The following RNLS variants were observed in gnomAD, a reference collection of about 807,000 sequenced individuals.
RNLS encodes the protein renalase, FAD dependent amine oxidase.
Under a neutral mutation model 39.8 loss-of-function variants are expected in RNLS, and 39 were observed. That is an observed-to-expected ratio of 0.98 (90% CI 0.76 to 1.28). The LOEUF is 1.28. Among genes scored for constraint, RNLS ranks in the 50% most tolerant of loss-of-function variants. The probability of loss-of-function intolerance (pLI) is 0.00; values close to 1 mark genes in which losing one functional copy is unlikely to be tolerated. For synonymous variants in RNLS, 147 were observed against 150.7 expected (o/e 0.98, Z 0.18); for missense variants, 410 against 413.3 (o/e 0.99, Z 0.07).
chr10:88,406,033 G>A (rs566970733), intron 4 of RNLS, among the ~76,000 whole-genome samples: 3 of 152,042 alleles, frequency 2.0e-5, no homozygotes, highest in East Asian at 3.9e-4. Context: ...TTTTGTTTGA[G>A]GAGGCTGAAG....
chr10:88,478,370 GC>G (rs1182305364), intron 4 of RNLS, among the ~76,000 whole-genome samples: 1 of 151,800 alleles, frequency 6.6e-6, no homozygotes, highest in Non-Finnish European at 1.5e-5. Flanking sequence ...TCATTTTTAG[GC>G]CCACTCCTAG....
At chr10:88,377,241 TACACAC>T (rs202223419) in intron 4 of RNLS, among the ~76,000 whole-genome samples, 19 of 42,082 alleles carry the variant, frequency 4.5e-4, no homozygotes, top group Admixed American at 2.8e-3. Context: ...CACACACATA[TACACAC>T]ACACACACAC....
At chr10:88,510,324 C>A (rs1295125135) in intron 4 of RNLS, among the ~76,000 whole-genome samples, 3 of 151,814 alleles carry the variant, frequency 2.0e-5, no homozygotes, top group Admixed American at 6.6e-5. Context: ...TATAAACTGG[C>A]AAGAAAATAG....
chr10:88,452,493 A>C (rs10509547), intron 4 of RNLS, among the ~76,000 whole-genome samples: 27,437 of 152,036 alleles, frequency 0.18, 2,978 homozygotes, highest in Non-Finnish European at 0.26. Flanking sequence ...TTCAGGATGT[A>C]GTGTAGACTT....
chr10:88,578,292 G>T (rs1850328017), intron 3 of RNLS, among the ~76,000 whole-genome samples: 1 of 152,006 alleles, frequency 6.6e-6, no homozygotes, highest in Non-Finnish European at 1.5e-5. Context: ...CTGAGGTACA[G>T]ATTTTAAACT....
chr10:88,350,284 A>G (rs1234549734), intron 5 of RNLS, among the ~76,000 whole-genome samples: 1 of 151,810 alleles, frequency 6.6e-6, no homozygotes, highest in Admixed American at 6.6e-5. Context: ...CACAACGTGC[A>G]GGTTTGTTAC....
chr10:88,508,364 G>T (rs1211694762), intron 4 of RNLS, among the ~76,000 whole-genome samples: 1 of 152,026 alleles, frequency 6.6e-6, no homozygotes, highest in African/African-American at 2.4e-5. Context: ...TGTAAGACGG[G>T]GACATTAATA....
intron 4 of RNLS, among the ~76,000 whole-genome samples, chr10:88,420,011 A>AAAATAAATAAATAAATAAAT (rs57637078): frequency 7.4e-6 from 1 of 134,762 alleles, no homozygotes; most frequent in Non-Finnish European, 1.6e-5. Flanking sequence ...ACTCCATCTC[A>AAAATAAATAAATAAATAAAT]AAATAAATAA....
chr10:88,285,256 A>G lies in RNLS; in HGVS notation c.*98T>C. On this transcript the variant is annotated 3_prime_UTR_variant, in exon 7 of 7. Transcript: ENST00000331772. The stretch of plus-strand genomic sequence containing the variant: ...GATAATAAGTGAAGAACAATTTTCC[A>G]GTAATTTTTCTTAGCAAAATAGAAA... 1 of 1,414,290 alleles carries G rather than the reference A, an allele frequency of 7.1e-7. No individual in the cohort carries two copies. Among genetic ancestry groups the G allele is most frequent in the East Asian group, 2.5e-5 (1 of 39,248 alleles). The allele number at this position is 1,414,290 out of a possible 1,614,324, so 87.6% of individuals were successfully genotyped here. A position where few individuals can be genotyped will look rare whatever the true frequency, so the allele number is the denominator to read the frequency against.
chr10:88,575,206 A>ATG (rs1204946444), intron 3 of RNLS, among the ~76,000 whole-genome samples: 5 of 31,364 alleles, frequency 1.6e-4, no homozygotes, highest in South Asian at 1.2e-3. Flanking sequence ...CTATATATAT[A>ATG]TGTGTGTGTA....
At chr10:88,488,303 T>A (rs1174436347) in intron 4 of RNLS, among the ~76,000 whole-genome samples, 1 of 152,050 alleles carries the variant, frequency 6.6e-6, no homozygotes, top group South Asian at 2.1e-4. Flanking sequence ...TCCCAGCACT[T>A]TGGGAGGCCA....
intron 4 of RNLS, among the ~76,000 whole-genome samples, chr10:88,414,440 A>G (rs887687381): frequency 6.6e-6 from 1 of 152,186 alleles, no homozygotes; most frequent in Non-Finnish European, 1.5e-5. Flanking sequence ...GTGTGTGTAT[A>G]TATAACTCTT....
rs541716089 is a variant in RNLS, at chr10:88,460,323, CAA to C, written c.527-97600_527-97599del. On this transcript the variant is annotated intron_variant, in intron 4 of 6. Coordinates refer to ENST00000331772, the MANE Select transcript of RNLS (RefSeq NM_001031709.3). Reference sequence around the variant, plus strand: ...ATCCCCAAGTGGTTGTTGTGAAATACAAAGAGAATAGCTCTTGTTATCTGTAC... The same window carrying C: ...ATCCCCAAGTGGTTGTTGTGAAATACAGAGAATAGCTCTTGTTATCTGTAC... Among the ~76,000 whole-genome samples the C allele has an allele frequency of 2.5e-3, 373 of 152,242 alleles. 4 individuals carry two copies. The highest frequency in any genetic ancestry group is 8.4e-3 in the African/African-American group (350 of 41,544).
chr10:88,291,167 T>C (rs1812324887), intron 6 of RNLS, among the ~76,000 whole-genome samples: 1 of 152,188 alleles, frequency 6.6e-6, no homozygotes, highest in African/African-American at 2.4e-5. Flanking sequence ...CTCTACAGTT[T>C]CTCAATGCAT....
At chr10:88,480,787 TTGTG>T (rs60584908) in intron 4 of RNLS, among the ~76,000 whole-genome samples, 29 of 147,636 alleles carry the variant, frequency 2.0e-4, no homozygotes, top group South Asian at 6.5e-4. Flanking sequence ...TCCTGTGTCT[TTGTG>T]TGTGTGTGTG....
chr10:88,515,325 A>G (rs1055710561), intron 4 of RNLS, among the ~76,000 whole-genome samples: 2 of 152,046 alleles, frequency 1.3e-5, no homozygotes, highest in African/African-American at 4.8e-5. Flanking sequence ...TCCTGTCTCA[A>G]CCTTCAAAAC....
chr10:88,546,651 T>A (rs1194687164), intron 4 of RNLS, among the ~76,000 whole-genome samples: 1 of 152,174 alleles, frequency 6.6e-6, no homozygotes, highest in East Asian at 1.9e-4. Context: ...TAGTCCAGAT[T>A]GTTGGCTTCG....
intron 4 of RNLS, among the ~76,000 whole-genome samples, chr10:88,476,091 C>T (rs567586814): frequency 6.6e-6 from 1 of 152,144 alleles, no homozygotes; most frequent in African/African-American, 2.4e-5. Flanking sequence ...GTCCAGAAGA[C>T]AATAACTTAC....
rs796309780 is a variant in RNLS at position 88,284,342 on chromosome 10, T to C, written c.*1012A>G. ...TTTTTCTCCTTTCAAAATGCTGAAA[T>C]AGAACTCATCATTTTGCTTTTCAAA... On this transcript the variant is annotated 3_prime_UTR_variant, in exon 7 of 7. Coordinates refer to ENST00000331772, the MANE Select transcript of RNLS (RefSeq NM_001031709.3). 14 of 985,262 alleles carry C rather than the reference T, an allele frequency of 1.4e-5. No homozygotes were observed. Among genetic ancestry groups the C allele is most frequent in the African/African-American group, 3.5e-5 (2 of 57,240 alleles). The allele number at this position is 985,262 out of a possible 1,614,324, so 61.0% of individuals were successfully genotyped here. A position where few individuals can be genotyped will look rare whatever the true frequency, so the allele number is the denominator to read the frequency against.
Sources: allele counts gnomAD v4.1 joint callset (sites outside exome capture counted in the v4.1 genomes callset), GRCh38; gene constraint gnomAD v4.1.1; transcripts MANE v1.5; gene names NCBI Gene and HGNC (gene_info 2026-07-23, HGNC 2026-07-21).